The following NXPH2 variants were observed in gnomAD, a reference collection of about 807,000 sequenced individuals.
NXPH2 encodes neurexophilin-2.
Under a neutral mutation model 19.8 loss-of-function variants are expected in NXPH2, and 5 were observed. The observed-to-expected ratio is 0.25, with a 90% CI of 0.13 to 0.53. The LOEUF is 0.53. Among genes scored for constraint, NXPH2 ranks in the 20% least tolerant of loss-of-function variants. The pLI, the probability that NXPH2 is intolerant of heterozygous loss-of-function variation, is 0.96. For missense variants in NXPH2, 289 were observed against 322.8 expected (o/e 0.90, Z 0.80); for synonymous variants, 154 against 127.4 (o/e 1.21, Z -1.41).
intron 1 of NXPH2, among the ~76,000 whole-genome samples, chr2:138,696,407 C>T (rs745736888): frequency 3.3e-5 from 5 of 152,074 alleles, no homozygotes; most frequent in South Asian, 4.1e-4. Context: ...TGAAGACATA[C>T]CACTCCATGT....
chr2:138,683,909 C>T (rs1680612203), intron 1 of NXPH2, among the ~76,000 whole-genome samples: 1 of 152,138 alleles, frequency 6.6e-6, no homozygotes, highest in African/African-American at 2.4e-5. Flanking sequence ...GGGATTTTTA[C>T]AAGATCCTAC....
intron 1 of NXPH2, among the ~76,000 whole-genome samples, chr2:138,701,719 A>C (rs921331615): frequency 6.6e-6 from 1 of 152,190 alleles, no homozygotes; most frequent in African/African-American, 2.4e-5. Flanking sequence ...AGGGAGATGC[A>C]GAAATGAATA....
chr2:138,677,131 A>T (rs1437694192), intron 1 of NXPH2, among the ~76,000 whole-genome samples: 1 of 152,204 alleles, frequency 6.6e-6, no homozygotes, highest in East Asian at 1.9e-4. Flanking sequence ...CCAAGGCAAG[A>T]TTGTTAAATG....
intron 1 of NXPH2, among the ~76,000 whole-genome samples, chr2:138,754,747 C>G (rs932874627): frequency 2.0e-5 from 3 of 152,104 alleles, no homozygotes; most frequent in African/African-American, 7.2e-5. Context: ...ATACATTTAG[C>G]TTTATAAGAA....
chr2:138,702,164 T>A (rs1178130078), intron 1 of NXPH2, among the ~76,000 whole-genome samples: 1 of 152,138 alleles, frequency 6.6e-6, no homozygotes, highest in African/African-American at 2.4e-5. Flanking sequence ...TCTCCCAGGC[T>A]GGAGTACAGT....
chr2:138,700,281 A>G (rs1680899745), intron 1 of NXPH2, among the ~76,000 whole-genome samples: 2 of 152,322 alleles, frequency 1.3e-5, no homozygotes, highest in South Asian at 4.1e-4. Context: ...CTGTATAATA[A>G]CCAAGCCTTT....
At chr2:138,763,987 T>C (rs1299148667) in intron 1 of NXPH2, among the ~76,000 whole-genome samples, 1 of 152,158 alleles carries the variant, frequency 6.6e-6, no homozygotes. Flanking sequence ...TTGCAGAGAC[T>C]GACATCCACA....
intron 1 of NXPH2, among the ~76,000 whole-genome samples, chr2:138,738,817 G>A (rs896185682): frequency 5.9e-5 from 9 of 152,200 alleles, no homozygotes; most frequent in African/African-American, 1.2e-4. Context: ...CACATGTACC[G>A]CAGCATCAAA....
intron 1 of NXPH2, among the ~76,000 whole-genome samples, chr2:138,673,828 T>G (rs947215231): frequency 1.3e-5 from 2 of 151,950 alleles, no homozygotes; most frequent in Non-Finnish European, 2.9e-5. Context: ...CATCAATCTC[T>G]CTTCATTTCC....
At chr2:138,679,294 C>T (rs973607720) in intron 1 of NXPH2, among the ~76,000 whole-genome samples, 1 of 152,206 alleles carries the variant, frequency 6.6e-6, no homozygotes, top group Non-Finnish European at 1.5e-5. Flanking sequence ...GATATTGCCA[C>T]CACCCTTGCT....
intron 1 of NXPH2, among the ~76,000 whole-genome samples, chr2:138,741,225 T>C (rs1004376690): frequency 2.0e-5 from 3 of 152,168 alleles, no homozygotes; most frequent in Admixed American, 6.6e-5. Flanking sequence ...CAGGGAAGCA[T>C]GCAGGGGCGT....
chr2:138,678,213 A>T (rs1003068549), intron 1 of NXPH2, among the ~76,000 whole-genome samples: 1 of 152,132 alleles, frequency 6.6e-6, no homozygotes, highest in African/African-American at 2.4e-5. Context: ...ATTTTGCTTT[A>T]TTCTATATTT....
chr2:138,711,493 G>T (rs979476308), intron 1 of NXPH2, among the ~76,000 whole-genome samples: 1 of 152,042 alleles, frequency 6.6e-6, no homozygotes, highest in Admixed American at 6.6e-5. Context: ...CATCCTACTT[G>T]ATGCCTTGGC....
At chr2:138,684,316 A>G (rs1680617500) in intron 1 of NXPH2, among the ~76,000 whole-genome samples, 1 of 152,190 alleles carries the variant, frequency 6.6e-6, no homozygotes, top group Admixed American at 6.5e-5. Flanking sequence ...AAACAAAACA[A>G]AAAGTCAAAT....
At chr2:138,741,688 G>T (rs1021620292) in intron 1 of NXPH2, among the ~76,000 whole-genome samples, 13 of 152,180 alleles carry the variant, frequency 8.5e-5, no homozygotes, top group African/African-American at 3.1e-4. Flanking sequence ...AAATTGATGT[G>T]AAAGCAAGGT....
At chr2:138,730,109 C>T (rs886917688) in intron 1 of NXPH2, among the ~76,000 whole-genome samples, 1 of 152,126 alleles carries the variant, frequency 6.6e-6, no homozygotes, top group East Asian at 1.9e-4. Flanking sequence ...TAATTGCTTC[C>T]TCTTACAAGA....
intron 1 of NXPH2, among the ~76,000 whole-genome samples, chr2:138,695,067 C>T (rs546723728): frequency 6.6e-6 from 1 of 152,210 alleles, no homozygotes; most frequent in African/African-American, 2.4e-5. Flanking sequence ...AAAAATACGG[C>T]ATTATAATCC....
At chr2:138,749,128 C>T (rs1265297122) in intron 1 of NXPH2, among the ~76,000 whole-genome samples, 3 of 152,124 alleles carry the variant, frequency 2.0e-5, no homozygotes, top group Admixed American at 6.6e-5. Flanking sequence ...CAGTTTCCCC[C>T]ATGCTATTAT....
intron 1 of NXPH2, among the ~76,000 whole-genome samples, chr2:138,689,500 G>A (rs1414001637): frequency 6.6e-6 from 1 of 152,130 alleles, no homozygotes; most frequent in Non-Finnish European, 1.5e-5. Context: ...CCACTAAATT[G>A]CCAAGGAGGG....
Sources: allele counts gnomAD v4.1 joint callset (sites outside exome capture counted in the v4.1 genomes callset), GRCh38; gene constraint gnomAD v4.1.1; transcripts MANE v1.5; gene names NCBI Gene and HGNC (gene_info 2026-07-23, HGNC 2026-07-21).